FREM2: variants seen among roughly 807,000 people sequenced by gnomAD.
FREM2 encodes the protein FRAS1 related extracellular matrix 2.
FREM2 carries 119 observed loss-of-function variants against 219.9 expected under a neutral mutation model. That is an observed-to-expected ratio of 0.54 (90% confidence interval 0.47 to 0.63). The LOEUF is 0.63. FREM2 is among the 30% of genes least tolerant of loss of function. The probability of loss-of-function intolerance (pLI) is 0.00; values close to 1 mark genes in which losing one functional copy is unlikely to be tolerated. For missense variants in FREM2, 4,030 were observed against 3,993.6 expected, an observed-to-expected ratio of 1.01 and a Z score of -0.25; for synonymous variants, 1,562 against 1,522.8, an observed-to-expected ratio of 1.03 and a Z score of -0.60.
intron 2 of FREM2, among the ~76,000 whole-genome samples, chr13:38,734,931 C>T (rs1333495711): frequency 1.3e-5 from 2 of 151,600 alleles, no homozygotes; most frequent in Non-Finnish European, 2.9e-5. Context: ...TATTTTTAGT[C>T]GAGATGGGGT....
In FREM2 at chr13:38,776,627, G is replaced by T. The variant is rs984784380; in HGVS notation, c.5642-6443G>T. On this transcript the variant is annotated intron_variant, in intron 4 of 23. Transcript: ENST00000280481. Reference sequence around the variant, plus strand: ...CTTTACTCTTTCTTTCAAAATAAAGGGTAATTAAATCAATCTGGAAGTATA... The same window carrying T: ...CTTTACTCTTTCTTTCAAAATAAAGTGTAATTAAATCAATCTGGAAGTATA... Among the ~76,000 whole-genome samples, 5 of 151,988 alleles carry T rather than the reference G, an allele frequency of 3.3e-5. No homozygotes were observed. In the South Asian group the frequency reaches 1.0e-3, roughly 32 times the overall value.
Position 38,761,279 on chromosome 13 carries a change from T to C in FREM2, c.5264-3025T>C, listed in dbSNP as rs1450741606. Reference sequence around the variant, plus strand: ...TTAGAATGGACAAGAAAAAGCTTGGTAGAGCATGACAAGAAGTTTGGAATG... The same window carrying C: ...TTAGAATGGACAAGAAAAAGCTTGGCAGAGCATGACAAGAAGTTTGGAATG... On this transcript the variant is annotated intron_variant, in intron 2 of 23. Transcript: ENST00000280481. Among the ~76,000 whole-genome samples, 3 of 152,120 alleles carry C rather than the reference T, an allele frequency of 2.0e-5. No individual in the cohort carries two copies. In the East Asian group the frequency reaches 5.8e-4, roughly 29 times the overall value.
At position 38,769,827 on chromosome 13, in the gene FREM2, T is replaced by C. The variant is rs756892782; in HGVS notation, c.5641+19T>C. On this transcript the variant is annotated intron_variant, in intron 4 of 23. Transcript: ENST00000280481. ...GGAGATGGTAAGAGCCATCGTCAAC[T>C]GGTTTATGTTGTTGCTGTTGGGCTG... The C allele has an allele frequency of 3.4e-5, 54 of 1,578,066 alleles. No homozygotes were observed. The highest frequency in any genetic ancestry group is 4.7e-5 in the Non-Finnish European group (54 of 1,147,238).
At chr13:38,772,100 G>A (rs181962450) in intron 4 of FREM2, among the ~76,000 whole-genome samples, 14 of 152,060 alleles carry the variant, frequency 9.2e-5, no homozygotes, top group Admixed American at 3.9e-4. Context: ...CCTAGGAGCC[G>A]TTATGCCTAC....
At position 38,781,493 on chromosome 13, in the gene FREM2, C is replaced by T. The variant is rs537890534; in HGVS notation, c.5642-1577C>T. ...TGTATACATATTTTCTTCCTCCTCCCCACCCCTCAACTATAATAAAAACCC... is the reference window on the plus strand; with the variant it reads ...TGTATACATATTTTCTTCCTCCTCCTCACCCCTCAACTATAATAAAAACCC... On this transcript the variant is annotated intron_variant, in intron 4 of 23. Coordinates refer to ENST00000280481, the MANE Select transcript of FREM2 (RefSeq NM_207361.6). Among the ~76,000 whole-genome samples, 7 of 152,198 alleles carry T rather than the reference C, an allele frequency of 4.6e-5. No homozygotes were observed. In the South Asian group the frequency reaches 1.5e-3, roughly 32 times the overall value.
At chr13:38,742,233 A>C (rs1158882906) in intron 2 of FREM2, among the ~76,000 whole-genome samples, 1 of 152,226 alleles carries the variant, frequency 6.6e-6, no homozygotes, top group Non-Finnish European at 1.5e-5. Context: ...ATGCAACTAC[A>C]AGGGTTGTAT....
chr13:38,769,866 C>A (rs929354450), intron 4 of FREM2, 58 bp downstream of exon 4: 2 of 1,222,600 alleles, frequency 1.6e-6, no homozygotes, highest in Admixed American at 1.7e-5. Context: ...TGACAAAATA[C>A]CTTGTAGGGG....
At chr13:38,878,073 A>T in intron 21 of FREM2, 61 bp from the exon 22 acceptor site, 1 of 1,335,580 alleles carries the variant, frequency 7.5e-7, no homozygotes, top group Non-Finnish European at 1.1e-6. Context: ...ACCTGTTTAC[A>T]GTGTCACGTT....
intron 6 of FREM2, among the ~76,000 whole-genome samples, chr13:38,823,745 C>T (rs1042745358): frequency 6.6e-6 from 1 of 151,986 alleles, no homozygotes; most frequent in African/African-American, 2.4e-5. Flanking sequence ...ACTTTATGGT[C>T]ATCTTATTCT....
chr13:38,687,286 C>G lies in FREM2; in HGVS notation c.-59C>G, dbSNP rs1385847870. The G allele has an allele frequency of 1.3e-6, 2 of 1,553,064 alleles. No individual in the cohort carries two copies. Among genetic ancestry groups the G allele is most frequent in the African/African-American group, 2.7e-5 (2 of 73,260 alleles). ...TCCCGGCGGTGTCTCTTGTTGTCTG[C>G]CCGGGGACCGACTTCGCATGCTCTC... is the stretch of plus-strand genomic sequence containing the variant. On this transcript the variant is annotated 5_prime_UTR_variant, in exon 1 of 24. Transcript: ENST00000280481.
intron 2 of FREM2, among the ~76,000 whole-genome samples, chr13:38,702,419 A>G (rs1412769320): frequency 6.6e-6 from 1 of 152,198 alleles, no homozygotes; most frequent in Non-Finnish European, 1.5e-5. Context: ...CTGTATTTTC[A>G]GTTACCCCAG....
chr13:38,763,635 C>T (rs1873324041), intron 2 of FREM2, among the ~76,000 whole-genome samples: 1 of 151,810 alleles, frequency 6.6e-6, no homozygotes, highest in Admixed American at 6.6e-5. Flanking sequence ...CCAACATAGT[C>T]GCTTTCACAT....
chr13:38,692,034 C>A lies in FREM2; in HGVS notation c.4690C>A (p.Pro1564Thr). Reference sequence around the variant, plus strand: ...GCTCACTGTCGAAGACAGAGATACTCCTGACAAGCTCCTGAAATTCACTAT... The same window carrying A: ...GCTCACTGTCGAAGACAGAGATACTACTGACAAGCTCCTGAAATTCACTAT... ...FELTVEDRDTPDKLLKFTITQ... is the reference protein window; with the variant it reads ...FELTVEDRDTTDKLLKFTITQ... The change falls in exon 1 of 24, where the codon CCT (proline) becomes ACT (threonine). Residue 1564 changes from proline to threonine, a missense_variant. Pro to Thr is a conservative substitution (Grantham distance 38). Coordinates refer to ENST00000280481, the MANE Select transcript of FREM2 (RefSeq NM_207361.6). 6.2e-7 allele frequency: 1 copy of A among 1,614,228 alleles called. No homozygotes were observed. Among genetic ancestry groups the A allele is most frequent in the Non-Finnish European group, 8.5e-7 (1 of 1,180,042 alleles).
rs199624513 is a variant in FREM2, at chr13:38,876,320, C to G, written c.8482C>G (p.Leu2828Val). The G allele has an allele frequency of 8.7e-6, 14 of 1,614,022 alleles. No homozygotes were observed. The highest frequency in any genetic ancestry group is 1.0e-5 in the Non-Finnish European group (12 of 1,179,924). Residue 2828 changes from leucine (L) to valine (V), a missense_variant, in exon 20 of 24, where the codon CTG (leucine) becomes GTG (valine). By Grantham distance (32) the Leu-to-Val change is conservative. Transcript: ENST00000280481. ...CTAPSHQEYR[L>V]PVTCNPREPV... Reference sequence around the variant, plus strand: ...TGCCCCATCACATCAGGAATACCGCCTGCCAGTCACCTGCAACCCCAGAGA... The same window carrying G: ...TGCCCCATCACATCAGGAATACCGCGTGCCAGTCACCTGCAACCCCAGAGA...
intron 2 of FREM2, among the ~76,000 whole-genome samples, chr13:38,747,761 C>G (rs1455625784): frequency 6.6e-6 from 1 of 152,142 alleles, no homozygotes; most frequent in Admixed American, 6.6e-5. Flanking sequence ...GAAACAGTTA[C>G]TGATCAGGGT....
At chr13:38,823,692 A>G (rs537742384) in intron 6 of FREM2, among the ~76,000 whole-genome samples, 30 of 152,142 alleles carry the variant, frequency 2.0e-4, no homozygotes, top group African/African-American at 7.0e-4. Context: ...AATAATAATA[A>G]CTTATGGTGA....
chr13:38,758,516 T>C (rs1249583555), intron 2 of FREM2, among the ~76,000 whole-genome samples: 1 of 152,172 alleles, frequency 6.6e-6, no homozygotes, highest in Non-Finnish European at 1.5e-5. Context: ...ATTATCTAGG[T>C]GCCTGTGCCA....
chr13:38,846,749 TG>T, intron 7 of FREM2, 27 bp downstream of exon 7: 1 of 1,612,928 alleles, frequency 6.2e-7, no homozygotes, highest in Non-Finnish European at 8.5e-7. Flanking sequence ...TCGGCTCTTT[TG>T]ATTGTTCTGC....
At position 38,873,556 on chromosome 13, in the gene FREM2, G is replaced by A. The variant is rs527322551; in HGVS notation, c.8176+622G>A. 7.2e-4 allele frequency among the ~76,000 whole-genome samples: 109 copies of A among 152,284 alleles called. 1 individual carries two copies. The highest frequency in any genetic ancestry group is 2.6e-3 in the African/African-American group (108 of 41,550). ...TTGTGAATGCCACTAGTTCGAGTTC[G>A]CGAGCATTTGCAAAACTTGGTTTCA... On this transcript the variant is annotated intron_variant, in intron 17 of 23. Transcript: ENST00000280481.
Sources: gnomAD v4.1 joint callset for allele counts (sites outside exome capture counted in the v4.1 genomes callset) on GRCh38, gnomAD v4.1.1 for gene constraint, MANE v1.5 for transcripts, NCBI Gene and HGNC (gene_info 2026-07-23, HGNC 2026-07-21) for gene names.